Variants in USP42 observed in about 807,000 individuals in gnomAD.
USP42 encodes ubiquitin carboxyl-terminal hydrolase 42.
Under a neutral mutation model 113.0 loss-of-function variants are expected in USP42, and 23 were observed. That is an observed-to-expected ratio of 0.20 (90% CI 0.15 to 0.29). USP42 has a LOEUF of 0.29. Among genes scored for constraint, USP42 ranks in the 10% least tolerant of loss-of-function variants. The pLI, the probability that USP42 is intolerant of heterozygous loss-of-function variation, is 1.00. For missense variants in USP42, 2,174 were observed against 1,779.8 expected, an observed-to-expected ratio of 1.22 and a Z score of -3.99; for synonymous variants, 933 against 699.0, an observed-to-expected ratio of 1.33 and a Z score of -5.28.
chr7:6,108,257 G>T (rs892370271), intron 1 of USP42, among the ~76,000 whole-genome samples: 10 of 152,038 alleles, frequency 6.6e-5, no homozygotes, highest in African/African-American at 2.4e-4. Flanking sequence ...AACAAATTTG[G>T]CCAGGTTCTG....
the USP42 span, among the ~76,000 whole-genome samples, chr7:6,083,257 TATTTATTTATTTA>T: frequency 7.0e-6 from 1 of 142,306 alleles, no homozygotes; most frequent in East Asian, 2.0e-4. Context: ...TTTATTTATT[TATTTATTTATTTA>T]TTTTAGATAC....
rs1211721859 is a variant in USP42, at chr7:6,158,241, G to A, written c.3943+1186G>A. On this transcript the variant is annotated intron_variant, in intron 16 of 17. Coordinates refer to ENST00000306177, the MANE Select transcript of USP42 (RefSeq NM_032172.3). The surrounding 1 kb of genome is among the most constrained non-coding windows in gnomAD (Gnocchi z 4.2). Reference sequence around the variant, plus strand: ...TCTGGCGGCTTCGCTGTCACTGCCTGGCAGAGGTGAGTGGCTGCGGCAGGG... The same window carrying A: ...TCTGGCGGCTTCGCTGTCACTGCCTAGCAGAGGTGAGTGGCTGCGGCAGGG... Among the ~76,000 whole-genome samples, 1 of 152,262 alleles carries A rather than the reference G, an allele frequency of 6.6e-6. No individual in the cohort carries two copies. The highest frequency in any genetic ancestry group is 2.4e-5 in the African/African-American group (1 of 41,466).
intron 3 of USP42, among the ~76,000 whole-genome samples, chr7:6,118,243 T>C (rs1401139319): frequency 2.0e-5 from 3 of 151,920 alleles, no homozygotes; most frequent in Non-Finnish European, 2.9e-5. Flanking sequence ...ATAAAAAAAA[T>C]CAAAAATTAG....
At chr7:6,099,513 C>T in the USP42 span, among the ~76,000 whole-genome samples, 5 of 150,538 alleles carry the variant, frequency 3.3e-5, no homozygotes, top group African/African-American at 1.2e-4. Flanking sequence ...TGTGCCTGGC[C>T]AATTTTTGTA....
chr7:6,097,386 C>CTTTTTT, the USP42 span, among the ~76,000 whole-genome samples: 1 of 108,446 alleles, frequency 9.2e-6, no homozygotes, highest in Non-Finnish European at 1.8e-5. Context: ...CCTGTGGGTC[C>CTTTTTT]TTTTTTTTTT....
rs1216938703 is a variant in USP42, at chr7:6,140,264, G to C, written c.724+69G>C. 2.9e-6 allele frequency: 4 copies of C among 1,377,732 alleles called. No homozygotes were observed. The African/African-American group carries it at 5.8e-5, about 20-fold the overall frequency. The allele number at this position is 1,377,732 out of a possible 1,614,324, so 85.3% of individuals were successfully genotyped here. On this transcript the variant is annotated intron_variant, in intron 6 of 17. Transcript: ENST00000306177. Reference sequence around the variant, plus strand: ...GTTAAAAAATGGTAATAGTAGGACAGGGTTAGTCCTACTAGGAAGGAAGGA... The same window carrying C: ...GTTAAAAAATGGTAATAGTAGGACACGGTTAGTCCTACTAGGAAGGAAGGA...
chr7:6,153,297 C>CAA (rs1158183417), intron 14 of USP42, among the ~76,000 whole-genome samples: 2 of 122,126 alleles, frequency 1.6e-5, no homozygotes, highest in African/African-American at 3.7e-5. Context: ...CAAAATGAAA[C>CAA]AAAACAAAAA....
At chr7:6,109,692 C>T (rs1039160431) in intron 1 of USP42, among the ~76,000 whole-genome samples, 7 of 148,032 alleles carry the variant, frequency 4.7e-5, no homozygotes, top group African/African-American at 1.3e-4. Context: ...CACTGCGCCC[C>T]GCCCGGCCTT....
chr7:6,124,136 T>G (rs1353199551), intron 3 of USP42, among the ~76,000 whole-genome samples: 2 of 151,716 alleles, frequency 1.3e-5, no homozygotes, highest in African/African-American at 2.4e-5. Flanking sequence ...TCAGTCTCCC[T>G]AAGTGCTGGG....
chr7:6,159,190 T>C lies in USP42; in HGVS notation c.3944-260T>C, dbSNP rs959656344. Among the ~76,000 whole-genome samples, 1 of 152,208 alleles carries C rather than the reference T, an allele frequency of 6.6e-6. No individual in the cohort carries two copies. Among genetic ancestry groups the C allele is most frequent in the African/African-American group, 2.4e-5 (1 of 41,464 alleles). ...TTCCGCCCAGTTCAGTTCTTGGGCC[T>C]GATATCTGTTCTAACATCAGGCTGC... On this transcript the variant is annotated intron_variant, in intron 16 of 17. Transcript: ENST00000306177. The surrounding 1 kb of genome is among the most constrained non-coding windows in gnomAD (Gnocchi z 4.1).
At chr7:6,101,126 C>G (rs777625663), upstream of USP42, among the ~76,000 whole-genome samples, 1 of 151,014 alleles carries the variant, frequency 6.6e-6, no homozygotes, top group African/African-American at 2.5e-5. Context: ...AATATTGTCT[C>G]AGTGGGAGAT....
Position 6,155,288 on chromosome 7 carries a change from G to C in USP42, c.3641+93G>C, listed in dbSNP as rs1782381679. 4 of 1,437,538 alleles carry C rather than the reference G, an allele frequency of 2.8e-6. No individual in the cohort carries two copies. In the East Asian group the frequency reaches 1.0e-4, roughly 36 times the overall value. The allele number at this position is 1,437,538 out of a possible 1,614,324, so 89.0% of individuals were successfully genotyped here. ...CACTCGACTCAGGAACAAGTGACCA[G>C]CCAGGCCACAGTTGTATCCGTCTGA... On this transcript the variant is annotated intron_variant, in intron 15 of 17. Transcript: ENST00000306177.
At chr7:6,107,772 A>T (rs1453092453) in intron 1 of USP42, among the ~76,000 whole-genome samples, 1 of 151,962 alleles carries the variant, frequency 6.6e-6, no homozygotes, top group Non-Finnish European at 1.5e-5. Flanking sequence ...ATTTCTTTTA[A>T]CTATTAGATG....
intron 3 of USP42, among the ~76,000 whole-genome samples, chr7:6,127,580 T>C (rs140869552): frequency 0.013 from 2,031 of 152,256 alleles, 29 homozygotes; most frequent in Middle Eastern, 0.061. Context: ...TAAAAAAAAT[T>C]ATTTGGGCAT....
At chr7:6,089,466 T>C in the USP42 span, among the ~76,000 whole-genome samples, 1 of 150,474 alleles carries the variant, frequency 6.6e-6, no homozygotes, top group Non-Finnish European at 1.5e-5. Context: ...GTAATACATA[T>C]AGCTTCTGTT....
chr7:6,150,177 A>C lies in USP42; in HGVS notation c.1981A>C (p.Asn661His). The change falls in exon 13 of 18, where the codon AAT becomes CAT. Residue 661 changes from asparagine to histidine, a missense_variant. Asn to His is a moderately conservative substitution (Grantham distance 68). Coordinates refer to ENST00000306177, the MANE Select transcript of USP42 (RefSeq NM_032172.3). ...LQEPMTLNGA[N>H]SADSDSDPKE... ...AGAACCCATGACCCTAAACGGTGCT[A>C]ATAGTGCAGACAGCGACAGTGACCC... The C allele has an allele frequency of 6.2e-7, 1 of 1,613,964 alleles. No homozygotes were observed. The highest frequency in any genetic ancestry group is 2.2e-5 in the East Asian group (1 of 44,886).
At chr7:6,100,253 G>T (rs1165841509), upstream of USP42, among the ~76,000 whole-genome samples, 1 of 150,732 alleles carries the variant, frequency 6.6e-6, no homozygotes, top group Non-Finnish European at 1.5e-5. Flanking sequence ...GCCCTAACTA[G>T]TCCCCCTAGA....
upstream of USP42, among the ~76,000 whole-genome samples, chr7:6,100,490 C>T (rs190428980): frequency 1.9e-3 from 293 of 150,464 alleles, 17 homozygotes; most frequent in African/African-American, 6.5e-3. Flanking sequence ...CAACCATGCC[C>T]GGCTAATTTT....
chr7:6,128,419 G>T (rs1405054522), intron 3 of USP42, among the ~76,000 whole-genome samples: 1 of 152,054 alleles, frequency 6.6e-6, no homozygotes, highest in Middle Eastern at 3.2e-3. Flanking sequence ...GCACCACCAT[G>T]CCCAGATAAA....
Sources: allele counts gnomAD v4.1 joint callset (sites outside exome capture counted in the v4.1 genomes callset), GRCh38; gene constraint gnomAD v4.1.1; non-coding constraint Gnocchi (gnomAD v3.1); transcripts MANE v1.5; gene names NCBI Gene and HGNC (gene_info 2026-07-23, HGNC 2026-07-21).